SBF2: variants seen among roughly 807,000 people sequenced by gnomAD.
The protein encoded by SBF2 is SET binding factor 2.
A neutral mutation model predicts 225.2 loss-of-function variants in SBF2; 112 were observed. The ratio of observed to expected loss-of-function variants is 0.50; its 90% confidence interval spans 0.43 to 0.58. The LOEUF (loss-of-function observed/expected upper bound fraction) is 0.58, where lower values mean the gene tolerates loss of function less well. Ranked by LOEUF, SBF2 falls within the 20% of genes least tolerant of loss-of-function variation. The pLI, the probability that SBF2 is intolerant of heterozygous loss-of-function variation, is 0.00. For synonymous variants in SBF2, 763 were observed against 773.3 expected (o/e 0.99, Z 0.22); for missense variants, 1,996 against 2,206.2 (o/e 0.90, Z 1.91).
intron 13 of SBF2, among the ~76,000 whole-genome samples, chr11:9,968,835 T>C (rs539716898): frequency 2.4e-4 from 37 of 152,290 alleles, no homozygotes; most frequent in African/African-American, 8.9e-4. Context: ...CCCTTAACAA[T>C]GTGAATATCT....
chr11:10,245,050 C>T (rs1157593103), intron 1 of SBF2, among the ~76,000 whole-genome samples: 1 of 148,618 alleles, frequency 6.7e-6, no homozygotes, highest in Non-Finnish European at 1.5e-5. Context: ...GGGAGGATTG[C>T]TTACAACCAG....
At chr11:9,910,677 A>G (rs1277934914) in intron 16 of SBF2, among the ~76,000 whole-genome samples, 2 of 151,508 alleles carry the variant, frequency 1.3e-5, no homozygotes, top group African/African-American at 4.9e-5. Flanking sequence ...TTGTGTCTTC[A>G]TTTTTAATGA....
At chr11:10,276,652 C>T (rs754545044) in intron 1 of SBF2, among the ~76,000 whole-genome samples, 4 of 152,172 alleles carry the variant, frequency 2.6e-5, no homozygotes, top group Non-Finnish European at 4.4e-5. Flanking sequence ...TCAGTATGAA[C>T]ATGGACAAAT....
In SBF2 at chr11:9,787,752, A is replaced by ATT; in HGVS notation, c.4933-15_4933-14insAA. ...TTTTTCAATTTCCTGCAAAGAAATT[A>ATT]AAAGTTTTCTGATCAGTATTTCATA... On this transcript the variant is annotated splice_polypyrimidine_tract_variant and intron_variant, in intron 35 of 39. Coordinates refer to ENST00000256190, the MANE Select transcript of SBF2 (RefSeq NM_030962.4). The ATT allele has an allele frequency of 6.2e-7, 1 of 1,608,112 alleles. No homozygotes were observed. Among genetic ancestry groups the ATT allele is most frequent in the Admixed American group, 1.7e-5 (1 of 60,018 alleles).
At chr11:9,836,986 G>T (rs1001826637) in intron 26 of SBF2, among the ~76,000 whole-genome samples, 4 of 151,968 alleles carry the variant, frequency 2.6e-5, no homozygotes, top group South Asian at 2.1e-4. Flanking sequence ...AAAGTTTATT[G>T]GCAGATTCCT....
intron 2 of SBF2, among the ~76,000 whole-genome samples, chr11:10,055,273 T>A (rs1440320650): frequency 1.3e-5 from 2 of 152,136 alleles, no homozygotes; most frequent in Admixed American, 1.3e-4. Flanking sequence ...GGAACACTTA[T>A]ATGCTGCTGC....
intron 5 of SBF2, among the ~76,000 whole-genome samples, chr11:10,029,498 C>T (rs1260290723): frequency 6.6e-6 from 1 of 152,102 alleles, no homozygotes; most frequent in Non-Finnish European, 1.5e-5. Flanking sequence ...ATACAAACTG[C>T]AGTTCAAGTT....
intron 2 of SBF2, chr11:10,164,963 T>G (rs952468570): frequency 1.3e-5 from 2 of 152,236 alleles, no homozygotes; most frequent in Non-Finnish European, 2.9e-5. Context: ...AACCAGATAG[T>G]CATCCAAAAC....
rs774896771 is a variant in SBF2, at chr11:9,842,610, C to G, written c.3256+15G>C. Reference sequence around the variant, plus strand: ...ATAAAGTTGAATAATGAAGGAAATTCAAGTTTTCACATACCAGATACATCA... The same window carrying G: ...ATAAAGTTGAATAATGAAGGAAATTGAAGTTTTCACATACCAGATACATCA... On this transcript the variant is annotated intron_variant, in intron 25 of 39. Coordinates refer to ENST00000256190, the MANE Select transcript of SBF2 (RefSeq NM_030962.4). 25 of 1,613,206 alleles carry G rather than the reference C, an allele frequency of 1.5e-5. No homozygotes were observed. The highest frequency in any genetic ancestry group is 2.7e-5 in the African/African-American group (2 of 74,900).
In SBF2 at chr11:9,850,118, C is replaced by A; in HGVS notation, c.2711G>T (p.Gly904Val). 1 of 1,614,036 alleles carries A rather than the reference C, an allele frequency of 6.2e-7. No individual in the cohort carries two copies. The highest frequency in any genetic ancestry group is 8.5e-7 in the Non-Finnish European group (1 of 1,179,922). ...CAGGAGCTGAGGGCCTCCAAGAAGA[C>A]CTCCAGTAGCTTCTTCTCTTCCATC... ...DPDGREEATG[G>V]LLGGPQLLPA... Residue 904 changes from glycine (G) to valine (V), a missense_variant, in exon 22 of 40, where the codon GGT (glycine) becomes GTT (valine). Transcript: ENST00000256190.
intron 1 of SBF2, among the ~76,000 whole-genome samples, chr11:10,200,423 T>G (rs1565348563): frequency 6.6e-6 from 1 of 152,218 alleles, no homozygotes; most frequent in Admixed American, 6.5e-5. Context: ...AAACTATTAT[T>G]GTTCTAGACA....
At chr11:9,915,633 T>C (rs1863021425) in intron 16 of SBF2, 1 of 152,004 alleles carries the variant, frequency 6.6e-6, no homozygotes, top group African/African-American at 2.4e-5. Flanking sequence ...AGACTTAAGG[T>C]TCCTGTGAGA....
At chr11:10,076,479 T>G (rs1365831615) in intron 2 of SBF2, among the ~76,000 whole-genome samples, 2 of 152,158 alleles carry the variant, frequency 1.3e-5, no homozygotes, top group Admixed American at 6.5e-5. Context: ...GCTCCAGCTT[T>G]GGGTACAGGA....
At chr11:9,947,803 G>C (rs2134315733) in intron 16 of SBF2, among the ~76,000 whole-genome samples, 1 of 152,174 alleles carries the variant, frequency 6.6e-6, no homozygotes, top group African/African-American at 2.4e-5. Context: ...CGTTGGTGAG[G>C]ATATGGAGAA....
chr11:10,076,940 G>A (rs770782135), intron 2 of SBF2, among the ~76,000 whole-genome samples: 1 of 152,116 alleles, frequency 6.6e-6, no homozygotes, highest in Non-Finnish European at 1.5e-5. Context: ...GGAAGAGCTT[G>A]GGAACAGGGC....
chr11:10,056,164 T>C (rs895931079), intron 2 of SBF2, among the ~76,000 whole-genome samples: 7 of 152,354 alleles, frequency 4.6e-5, no homozygotes, highest in South Asian at 2.1e-4. Context: ...TAGTTTGAAG[T>C]CAGGTAACAT....
intron 2 of SBF2, among the ~76,000 whole-genome samples, chr11:10,108,132 C>A (rs1348627972): frequency 6.6e-6 from 1 of 152,096 alleles, no homozygotes; most frequent in Admixed American, 6.6e-5. Context: ...ATACAGCCAT[C>A]AAATATAACC....
chr11:10,094,149 GGT>G (rs1439525585), intron 2 of SBF2, among the ~76,000 whole-genome samples: 1 of 152,192 alleles, frequency 6.6e-6, no homozygotes, highest in South Asian at 2.1e-4. Context: ...TGACCAACAT[GGT>G]GAAACTCTGT....
At chr11:10,273,879 A>G (rs1962743595) in intron 1 of SBF2, among the ~76,000 whole-genome samples, 1 of 152,212 alleles carries the variant, frequency 6.6e-6, no homozygotes. Flanking sequence ...GCCTAGACTT[A>G]AGGAAACATG....
Sources: gnomAD v4.1 joint callset for allele counts (sites outside exome capture counted in the v4.1 genomes callset) on GRCh38, gnomAD v4.1.1 for gene constraint, MANE v1.5 for transcripts, NCBI Gene and HGNC (gene_info 2026-07-23, HGNC 2026-07-21) for gene names.